CTNND2: variants seen among roughly 807,000 people sequenced by gnomAD.
CTNND2 encodes the protein catenin delta 2.
A neutral mutation model predicts 144.4 loss-of-function variants in CTNND2; 22 were observed. The ratio of observed to expected loss-of-function variants is 0.15; its 90% confidence interval spans 0.11 to 0.22. CTNND2 has a LOEUF of 0.22. Among genes scored for constraint, CTNND2 ranks in the 10% least tolerant of loss-of-function variants. The probability of loss-of-function intolerance (pLI) is 1.00; values close to 1 mark genes in which losing one functional copy is unlikely to be tolerated. For missense variants in CTNND2, 1,353 were observed against 1,618.8 expected, an observed-to-expected ratio of 0.84 and a Z score of 2.82; for synonymous variants, 751 against 695.6, an observed-to-expected ratio of 1.08 and a Z score of -1.25.
chr5:11,754,749 T>C (rs984892801), intron 1 of CTNND2, among the ~76,000 whole-genome samples: 49 of 152,028 alleles, frequency 3.2e-4, no homozygotes, highest in African/African-American at 1.2e-3. Flanking sequence ...GTTTAAAGTC[T>C]GTTTTGTCTG....
chr5:11,760,075 AT>A (rs1789174392), intron 1 of CTNND2, among the ~76,000 whole-genome samples: 2 of 147,050 alleles, frequency 1.4e-5, no homozygotes, highest in South Asian at 2.2e-4. Context: ...AAAAAATCCT[AT>A]TTATCCCTCC....
chr5:11,155,034 T>C (rs1277943544), intron 12 of CTNND2, among the ~76,000 whole-genome samples: 2 of 152,236 alleles, frequency 1.3e-5, no homozygotes, highest in African/African-American at 2.4e-5. Flanking sequence ...CCAAATAAGA[T>C]CACATTCTGA....
chr5:11,634,329 A>C (rs1781571718), intron 2 of CTNND2, among the ~76,000 whole-genome samples: 3 of 152,110 alleles, frequency 2.0e-5, no homozygotes, highest in African/African-American at 7.2e-5. Flanking sequence ...AAAGCACCTC[A>C]ATTTCAGAAC....
chr5:11,202,774 C>T (rs539835669), intron 10 of CTNND2, among the ~76,000 whole-genome samples: 6 of 151,936 alleles, frequency 3.9e-5, no homozygotes, highest in African/African-American at 7.2e-5. Flanking sequence ...CTCCAGGATC[C>T]TTCCTTTCTC....
rs530702658 is a variant in CTNND2, at chr5:11,181,749, G to T, written c.1975+17699C>A. On this transcript the variant is annotated intron_variant, in intron 11 of 21. Transcript: ENST00000304623. Reference sequence around the variant, plus strand: ...GTGTTATGTGTGGCATGTGTGTGTGGATGTGTGTATGTGTGTGTGTGTGTG... The same window carrying T: ...GTGTTATGTGTGGCATGTGTGTGTGTATGTGTGTATGTGTGTGTGTGTGTG... 1.7e-3 allele frequency among the ~76,000 whole-genome samples: 238 copies of T among 137,474 alleles called. 1 individual carries two copies. Among genetic ancestry groups the T allele is most frequent in the African/African-American group, 5.5e-3 (206 of 37,558 alleles). The allele number at this position is 137,474 out of a possible 152,430, so 90.2% of individuals were successfully genotyped here. A position where few individuals can be genotyped will look rare whatever the true frequency, so the allele number is the denominator to read the frequency against.
At chr5:11,306,157 A>G (rs1290619709) in intron 9 of CTNND2, among the ~76,000 whole-genome samples, 1 of 152,204 alleles carries the variant, frequency 6.6e-6, no homozygotes, top group African/African-American at 2.4e-5. Context: ...ATTAGAAGAA[A>G]GCAAGACTGA....
chr5:11,630,449 C>A (rs1211963626), intron 2 of CTNND2, among the ~76,000 whole-genome samples: 2 of 152,164 alleles, frequency 1.3e-5, no homozygotes, highest in African/African-American at 4.8e-5. Context: ...TTCTTGACAG[C>A]ACCTGGTATC....
At chr5:11,349,493 G>A (rs931656172) in intron 8 of CTNND2, among the ~76,000 whole-genome samples, 8 of 152,164 alleles carry the variant, frequency 5.3e-5, no homozygotes, top group African/African-American at 1.9e-4. Context: ...TGAAGTCCTC[G>A]GAGTTGGTTT....
At chr5:11,856,365 G>C (rs1561862072) in intron 1 of CTNND2, among the ~76,000 whole-genome samples, 1 of 152,180 alleles carries the variant, frequency 6.6e-6, no homozygotes, top group Non-Finnish European at 1.5e-5. Context: ...TGGAAAGTTG[G>C]GAGTGAGTGT....
intron 3 of CTNND2, among the ~76,000 whole-genome samples, chr5:11,421,317 G>A (rs990493918): frequency 3.3e-5 from 5 of 152,050 alleles, no homozygotes; most frequent in African/African-American, 1.2e-4. Flanking sequence ...CTTCATTCAA[G>A]ATACCCTACA....
At chr5:11,281,101 T>C (rs1747065035) in intron 9 of CTNND2, among the ~76,000 whole-genome samples, 1 of 152,246 alleles carries the variant, frequency 6.6e-6, no homozygotes, top group South Asian at 2.1e-4. Flanking sequence ...GCTAGTGTAT[T>C]GCAAAAAATA....
At chr5:11,431,830 A>C (rs1763314172) in intron 3 of CTNND2, among the ~76,000 whole-genome samples, 1 of 152,158 alleles carries the variant, frequency 6.6e-6, no homozygotes, top group African/African-American at 2.4e-5. Flanking sequence ...GTGTTGTTAA[A>C]GCGGCTAAGG....
At chr5:11,416,048 C>T (rs983229358) in intron 3 of CTNND2, among the ~76,000 whole-genome samples, 2 of 152,146 alleles carry the variant, frequency 1.3e-5, no homozygotes, top group Non-Finnish European at 2.9e-5. Context: ...ATAAATGTCA[C>T]ACTGACCAAA....
At chr5:11,374,598 T>C (rs1030172561) in intron 7 of CTNND2, among the ~76,000 whole-genome samples, 1 of 152,076 alleles carries the variant, frequency 6.6e-6, no homozygotes, top group African/African-American at 2.4e-5. Flanking sequence ...CTCTTCCTTA[T>C]CAAGGAGGGG....
intron 18 of CTNND2, among the ~76,000 whole-genome samples, chr5:11,011,347 G>A (rs1741059841): frequency 6.6e-6 from 1 of 152,116 alleles, no homozygotes; most frequent in Non-Finnish European, 1.5e-5. Flanking sequence ...CCGAGTAGCT[G>A]GGATTACAGG....
chr5:11,508,483 T>C (rs958998948), intron 3 of CTNND2: 1 of 152,142 alleles, frequency 6.6e-6, no homozygotes, highest in Non-Finnish European at 1.5e-5. Flanking sequence ...TCCTTTAATG[T>C]AGCCCCCAAA....
intron 1 of CTNND2, among the ~76,000 whole-genome samples, chr5:11,880,081 C>T (rs1020134101): frequency 2.0e-5 from 3 of 152,186 alleles, no homozygotes; most frequent in African/African-American, 7.2e-5. Context: ...CCAACTTTTA[C>T]TCTTGTGGGC....
At chr5:11,012,825 A>G (rs907668970) in intron 18 of CTNND2, among the ~76,000 whole-genome samples, 2 of 152,224 alleles carry the variant, frequency 1.3e-5, no homozygotes, top group Admixed American at 6.5e-5. Context: ...GTCTCTGTCT[A>G]TTCTCCTCTG....
intron 3 of CTNND2, among the ~76,000 whole-genome samples, chr5:11,537,290 G>C (rs1262727442): frequency 6.6e-6 from 1 of 152,104 alleles, no homozygotes; most frequent in Non-Finnish European, 1.5e-5. Context: ...TTCAATGTTG[G>C]TTCATAATCT....
Sources: gnomAD v4.1 joint callset for allele counts (sites outside exome capture counted in the v4.1 genomes callset) on GRCh38, gnomAD v4.1.1 for gene constraint, MANE v1.5 for transcripts, NCBI Gene and HGNC (gene_info 2026-07-23, HGNC 2026-07-21) for gene names.